GRIP2: variants seen among roughly 807,000 people sequenced by gnomAD.
GRIP2 encodes glutamate receptor interacting protein 2.
GRIP2 carries 58 observed loss-of-function variants against 108.3 expected under a neutral mutation model. The ratio of observed to expected loss-of-function variants is 0.54; its 90% CI spans 0.43 to 0.67. The LOEUF is 0.67. Among genes scored for constraint, GRIP2 ranks in the 30% least tolerant of loss-of-function variants. The pLI is 0.00. For missense variants in GRIP2, 1,278 were observed against 1,430.6 expected, an observed-to-expected ratio of 0.89 and a Z score of 1.72; for synonymous variants, 586 against 598.2, an observed-to-expected ratio of 0.98 and a Z score of 0.30.
upstream of GRIP2, among the ~76,000 whole-genome samples, chr3:14,543,254 C>T (rs113440151): frequency 0.011 from 1,722 of 152,340 alleles, 10 homozygotes; most frequent in Non-Finnish European, 0.016. Context: ...TTGTCAGACA[C>T]GCAGATGCTC....
rs190985863 is a variant in GRIP2, at chr3:14,528,855, G to C, written c.41-2924C>G. Reference sequence around the variant, plus strand: ...TGCCAAAGCTTTTGCCCATTTTTAAGTTGGGTTGTTTGTTTCCTTGTTATT... The same window carrying C: ...TGCCAAAGCTTTTGCCCATTTTTAACTTGGGTTGTTTGTTTCCTTGTTATT... On this transcript the variant is annotated intron_variant, in intron 1 of 23. Coordinates refer to ENST00000621039, the MANE Select transcript of GRIP2 (RefSeq NM_001080423.4). Among the ~76,000 whole-genome samples, 24 of 152,274 alleles carry C rather than the reference G, an allele frequency of 1.6e-4. No homozygotes were observed. The East Asian group carries it at 4.6e-3, about 29-fold the overall frequency.
intron 22 of GRIP2, among the ~76,000 whole-genome samples, chr3:14,495,981 A>T (rs541397349): frequency 6.6e-6 from 1 of 151,936 alleles, no homozygotes; most frequent in African/African-American, 2.4e-5. Context: ...CCCTGTCTCT[A>T]AAAAAATACA....
rs1310201434 is a variant in GRIP2, at chr3:14,520,551, GA to G, written c.713-15del. 1.2e-6 allele frequency: 2 copies of G among 1,613,012 alleles called. No individual in the cohort carries two copies. Among genetic ancestry groups the G allele is most frequent in the South Asian group, 1.1e-5 (1 of 91,052 alleles). On this transcript the variant is annotated splice_polypyrimidine_tract_variant and intron_variant, in intron 7 of 23. Transcript: ENST00000621039. ...TAGCCACCGTGTCTGGCATGACGGA[GA>G]AAAAAAGTTTGAAATGCAAATACCG...
the GRIP2 span, chr3:14,574,793 C>A: frequency 3.3e-5 from 12 of 360,994 alleles, 1 homozygote; most frequent in South Asian, 3.0e-4. Context: ...ACTCTCGCTT[C>A]CCACAATGGA....
At chr3:14,530,971 T>A (rs1694695095) in intron 1 of GRIP2, 1 of 151,128 alleles carries the variant, frequency 6.6e-6, no homozygotes, top group Non-Finnish European at 1.5e-5. Context: ...ATTCTTTCTA[T>A]TTTTTTTTGC....
chr3:14,524,657 G>T, intron 3 of GRIP2, 119 bp from the exon 4 acceptor site: 1 of 1,181,912 alleles, frequency 8.5e-7, no homozygotes. Flanking sequence ...CACAAATGGG[G>T]AAGCTGAGGC....
chr3:14,500,193 G>A (rs1693729198), intron 21 of GRIP2, among the ~76,000 whole-genome samples: 1 of 152,154 alleles, frequency 6.6e-6, no homozygotes. Context: ...TTGGAAGACA[G>A]GTTAAGGAAA....
chr3:14,493,557 C>T lies in GRIP2; in HGVS notation c.*108G>A. ...GCATCATCCCAGGCTCAGAGTCTGC[C>T]AGACCAACAGATGAATGAGTGGGTG... On this transcript the variant is annotated 3_prime_UTR_variant, in exon 24 of 24. Transcript: ENST00000621039. 7.7e-7 allele frequency: 1 copy of T among 1,300,002 alleles called. No homozygotes were observed. Among genetic ancestry groups the T allele is most frequent in the Non-Finnish European group, 1.0e-6 (1 of 963,240 alleles). The allele number at this position is 1,300,002 out of a possible 1,614,324, so 80.5% of individuals were successfully genotyped here. A position where few individuals can be genotyped will look rare whatever the true frequency, so the allele number is the denominator to read the frequency against.
chr3:14,558,408 G>A (rs887441571), upstream of GRIP2, among the ~76,000 whole-genome samples: 13 of 152,214 alleles, frequency 8.5e-5, no homozygotes, highest in Non-Finnish European at 1.3e-4. Context: ...GGCAGAGCAC[G>A]GTTGGGAGCT....
intron 1 of GRIP2, among the ~76,000 whole-genome samples, chr3:14,537,620 C>A (rs1319369714): frequency 6.6e-6 from 1 of 152,220 alleles, no homozygotes; most frequent in African/African-American, 2.4e-5. Flanking sequence ...AGAGACAGAG[C>A]CAGGACGCAA....
intron 22 of GRIP2, among the ~76,000 whole-genome samples, 177 bp from the exon 23 acceptor site, chr3:14,495,166 G>A (rs1185064320): frequency 7.3e-6 from 1 of 137,394 alleles, no homozygotes. Context: ...CCCGCTCCCT[G>A]CCAACCTCCC....
At chr3:14,526,669 A>C (rs985463212) in intron 1 of GRIP2, among the ~76,000 whole-genome samples, 4 of 152,052 alleles carry the variant, frequency 2.6e-5, no homozygotes, top group Non-Finnish European at 5.9e-5. Context: ...ACTCTCCATG[A>C]CCCACATCCA....
intron 4 of GRIP2, 65 bp downstream of exon 4, chr3:14,524,328 G>A (rs1039706780): frequency 5.9e-6 from 9 of 1,538,142 alleles, no homozygotes; most frequent in African/African-American, 1.4e-5. Context: ...GGCCCTGGTG[G>A]GGAGGTAGCC....
intron 3 of GRIP2, 73 bp from the exon 4 acceptor site, chr3:14,524,611 TC>T: frequency 6.9e-7 from 1 of 1,448,986 alleles, no homozygotes; most frequent in Non-Finnish European, 9.3e-7. Flanking sequence ...ACACCCACCC[TC>T]CTCTGGAATC....
chr3:14,547,017 T>A (rs559313375), upstream of GRIP2, among the ~76,000 whole-genome samples: 1 of 152,192 alleles, frequency 6.6e-6, no homozygotes, highest in Admixed American at 6.5e-5. Context: ...CTCTTGAGAA[T>A]GTTGGTAAAG....
At chr3:14,530,660 A>T (rs997751483) in intron 1 of GRIP2, among the ~76,000 whole-genome samples, 2 of 152,186 alleles carry the variant, frequency 1.3e-5, no homozygotes, top group African/African-American at 2.4e-5. Context: ...TCATTTTCTA[A>T]TTATTTGTTC....
upstream of GRIP2, among the ~76,000 whole-genome samples, chr3:14,559,552 C>T (rs1035322787): frequency 6.6e-6 from 1 of 151,922 alleles, no homozygotes; most frequent in Non-Finnish European, 1.5e-5. Flanking sequence ...AGGCAGTGGT[C>T]GGTGTATTTC....
chr3:14,572,673 A>G, the GRIP2 span, among the ~76,000 whole-genome samples: 1 of 151,928 alleles, frequency 6.6e-6, no homozygotes, highest in East Asian at 1.9e-4. Flanking sequence ...AGTATAATAA[A>G]TGCCCAGCAG....
At chr3:14,584,443 C>A in the GRIP2 span, among the ~76,000 whole-genome samples, 1 of 152,284 alleles carries the variant, frequency 6.6e-6, no homozygotes, top group East Asian at 1.9e-4. Flanking sequence ...AGGCTTGCTG[C>A]GTGACTCTGT....
Sources: allele counts gnomAD v4.1 joint callset (sites outside exome capture counted in the v4.1 genomes callset), GRCh38; gene constraint gnomAD v4.1.1; transcripts MANE v1.5; gene names NCBI Gene and HGNC (gene_info 2026-07-23, HGNC 2026-07-21).